Variants in TTC7B observed in about 807,000 individuals in gnomAD.
TTC7B encodes tetratricopeptide repeat protein 7B.
In TTC7B, 28 loss-of-function variants were observed where a neutral mutation model predicts 106.8. That is an observed-to-expected ratio of 0.26 (90% confidence interval 0.19 to 0.36). The LOEUF is 0.36. Ranked by LOEUF, TTC7B falls within the 10% of genes least tolerant of loss-of-function variation. TTC7B has a pLI of 1.00. For missense variants in TTC7B, 862 were observed against 1,076.4 expected (o/e 0.80, Z 2.79); for synonymous variants, 405 against 430.6 (o/e 0.94, Z 0.74).
At chr14:90,726,723 C>T (rs939727067) in intron 5 of TTC7B, among the ~76,000 whole-genome samples, 9 of 152,208 alleles carry the variant, frequency 5.9e-5, no homozygotes, top group African/African-American at 1.2e-4. Context: ...CTCACACAAG[C>T]GCTTGCTTTG....
At position 90,620,561 on chromosome 14, in the gene TTC7B, A is replaced by T. The variant is rs192913241; in HGVS notation, c.1752-2516T>A. Among the ~76,000 whole-genome samples the T allele has an allele frequency of 7.6e-4, 116 of 152,230 alleles. 1 individual carries two copies. The highest frequency in any genetic ancestry group is 2.6e-3 in the African/African-American group (109 of 41,540). On this transcript the variant is annotated intron_variant, in intron 15 of 19. Transcript: ENST00000328459. The stretch of plus-strand genomic sequence containing the variant: ...AGTGCCAAGCAATTGCGGCAAGGGG[A>T]GGCCCCATGGAGGACTGTGGGGGGT...
intron 9 of TTC7B, among the ~76,000 whole-genome samples, chr14:90,673,388 T>C (rs949347491): frequency 1.3e-5 from 2 of 151,964 alleles, no homozygotes; most frequent in Non-Finnish European, 2.9e-5. Flanking sequence ...AGATAAACAG[T>C]GAAGTCAATT....
intron 14 of TTC7B, 32 bp downstream of exon 14, chr14:90,646,919 C>T: frequency 1.3e-6 from 2 of 1,581,102 alleles, no homozygotes; most frequent in African/African-American, 1.3e-5. Flanking sequence ...ATACAGAGTG[C>T]AGCAAGTATA....
chr14:90,587,893 G>A (rs1891782710), intron 18 of TTC7B, among the ~76,000 whole-genome samples: 2 of 152,210 alleles, frequency 1.3e-5, no homozygotes, highest in Admixed American at 6.5e-5. Context: ...TGACCTGATA[G>A]CTGTGTCTCA....
chr14:90,731,653 G>T lies in TTC7B; in HGVS notation c.577-1457C>A, dbSNP rs76008609. Among the ~76,000 whole-genome samples the T allele has an allele frequency of 4.9e-3, 751 of 152,224 alleles. 3 individuals carry two copies. Among genetic ancestry groups the T allele is most frequent in the Middle Eastern group, 6.8e-3 (2 of 294 alleles). On this transcript the variant is annotated intron_variant, in intron 4 of 19. Transcript: ENST00000328459. ...CTCTCCGGGAGTTCCTCCTCTCTGGGAACCTCATTTCCACCCACTACAGGC... is the reference window on the plus strand; with the variant it reads ...CTCTCCGGGAGTTCCTCCTCTCTGGTAACCTCATTTCCACCCACTACAGGC...
At position 90,564,048 on chromosome 14, in the gene TTC7B, T is replaced by A. The variant is rs4904707; in HGVS notation, c.2310+14058A>T. Among the ~76,000 whole-genome samples, 11 of 151,154 alleles carry A rather than the reference T, an allele frequency of 7.3e-5. No individual in the cohort carries two copies. The South Asian group carries it at 2.3e-3, about 32-fold the overall frequency. On this transcript the variant is annotated intron_variant, in intron 19 of 19. Transcript: ENST00000328459. ...ATGTTGATATTTAGACCTCCTCCCA[T>A]GAATCATGGATGATCTTAATGGCAT...
At chr14:90,650,589 T>C (rs1440449792) in intron 13 of TTC7B, among the ~76,000 whole-genome samples, 1 of 152,144 alleles carries the variant, frequency 6.6e-6, no homozygotes, top group Non-Finnish European at 1.5e-5. Context: ...TGTGCCACAA[T>C]GAGTGATAAA....
chr14:90,794,599 T>A (rs923210136), intron 1 of TTC7B, among the ~76,000 whole-genome samples: 2 of 152,120 alleles, frequency 1.3e-5, no homozygotes, highest in Non-Finnish European at 2.9e-5. Flanking sequence ...TCAGGGGAGT[T>A]TCCTGCTAGG....
At position 90,541,187 on chromosome 14, in the gene TTC7B, GAGAA is replaced by G; in HGVS notation, c.*177_*180del. The G allele has an allele frequency of 2.1e-6, 1 of 482,248 alleles. No homozygotes were observed. Among genetic ancestry groups the G allele is most frequent in the Admixed American group, 3.8e-5 (1 of 26,338 alleles). 29.9% of individuals were successfully genotyped at this position (482,248 alleles called of 1,614,324 possible). ...ACCATTGGGCTGGCAAAAAAAACAA[GAGAA>G]ACGCACATGGCGAGAGCGATGATTC... On this transcript the variant is annotated 3_prime_UTR_variant, in exon 20 of 20. Coordinates refer to ENST00000328459, the MANE Select transcript of TTC7B (RefSeq NM_001010854.2).
chr14:90,778,080 C>A (rs568563525), intron 3 of TTC7B, among the ~76,000 whole-genome samples: 1 of 152,140 alleles, frequency 6.6e-6, no homozygotes, highest in Admixed American at 6.5e-5. Flanking sequence ...TCATAACCGT[C>A]CCTCTACACT....
rs139637862 is a variant in TTC7B at position 90,588,929 on chromosome 14, C to T, written c.2107+4557G>A. 1.5e-3 allele frequency among the ~76,000 whole-genome samples: 213 copies of T among 146,618 alleles called. 1 individual carries two copies. Among genetic ancestry groups the T allele is most frequent in the African/African-American group, 5.0e-3 (201 of 39,870 alleles). On this transcript the variant is annotated intron_variant, in intron 18 of 19. Transcript: ENST00000328459. ...AAACCCTTGGAAGATGTTTACAGCA[C>T]CTATTTCAGAGACAAGGCAGATTTC... is the stretch of plus-strand genomic sequence containing the variant.
intron 19 of TTC7B, among the ~76,000 whole-genome samples, chr14:90,544,222 G>C (rs1889728072): frequency 6.6e-6 from 1 of 152,238 alleles, no homozygotes; most frequent in Non-Finnish European, 1.5e-5. Flanking sequence ...GGAACAGCAG[G>C]CTTCAGGGTC....
intron 3 of TTC7B, among the ~76,000 whole-genome samples, chr14:90,758,533 ATGCGCAACTGTGGCGCGCGAC>A (rs1227013496): frequency 1.3e-5 from 2 of 152,142 alleles, no homozygotes; most frequent in Non-Finnish European, 2.9e-5. Context: ...AGCTCCGCGC[ATGCGCAACTGTGGCGCGCGAC>A]TGCGCTAGAA....
In TTC7B at chr14:90,533,186, C is replaced by A. The variant is rs567891254; in HGVS notation, c.*8182G>T. ...CCACAGGCACCGCCTCAGGCAGTGG[C>A]GGATGGGAGCCTCCTGTGCTGTGAC... On this transcript the variant is annotated 3_prime_UTR_variant, in exon 20 of 20. Transcript: ENST00000328459. 6.6e-6 allele frequency: 1 copy of A among 152,266 alleles called. No individual in the cohort carries two copies. Among genetic ancestry groups the A allele is most frequent in the Non-Finnish European group, 1.5e-5 (1 of 68,122 alleles). 9.4% of individuals were successfully genotyped at this position (152,266 alleles called of 1,614,324 possible).
intron 3 of TTC7B, among the ~76,000 whole-genome samples, chr14:90,766,135 G>GTT (rs3085720): frequency 0.36 from 50,838 of 143,078 alleles, 9,471 homozygotes; most frequent in East Asian, 0.48. Flanking sequence ...AGCCTACAAC[G>GTT]TTTTTTTTTT....
chr14:90,707,931 G>T (rs1242258050), intron 5 of TTC7B, among the ~76,000 whole-genome samples: 1 of 152,124 alleles, frequency 6.6e-6, no homozygotes, highest in Admixed American at 6.5e-5. Flanking sequence ...CGGATCACGA[G>T]GTTAGGAGCT....
chr14:90,729,954 G>A lies in TTC7B; in HGVS notation c.698+121C>T, dbSNP rs918048468. 23 of 963,868 alleles carry A rather than the reference G, an allele frequency of 2.4e-5. No individual in the cohort carries two copies. In the Admixed American group the frequency reaches 4.8e-4, roughly 20 times the overall value. The allele number at this position is 963,868 out of a possible 1,614,324, so 59.7% of individuals were successfully genotyped here. On this transcript the variant is annotated intron_variant, in intron 5 of 19. Coordinates refer to ENST00000328459, the MANE Select transcript of TTC7B (RefSeq NM_001010854.2). ...GTTCATTCTTTAAAAGAAAAAAAAA[G>A]TTCCAATGGTAGTTCATATTTAAAA... is the stretch of plus-strand genomic sequence containing the variant.
At chr14:90,748,852 C>T (rs1317087253) in intron 3 of TTC7B, among the ~76,000 whole-genome samples, 2 of 152,150 alleles carry the variant, frequency 1.3e-5, no homozygotes, top group Non-Finnish European at 2.9e-5. Context: ...TAATTTCCAG[C>T]TCTCTTTGTT....
chr14:90,799,924 G>A (rs1326987105), intron 1 of TTC7B, among the ~76,000 whole-genome samples: 2 of 152,050 alleles, frequency 1.3e-5, no homozygotes, highest in African/African-American at 4.8e-5. Context: ...CCGCCTCCTG[G>A]GGTCATGCCA....
Sources: allele counts gnomAD v4.1 joint callset (sites outside exome capture counted in the v4.1 genomes callset), GRCh38; gene constraint gnomAD v4.1.1; transcripts MANE v1.5; gene names NCBI Gene and HGNC (gene_info 2026-07-23, HGNC 2026-07-21).